Variants in CFAP43 observed in about 807,000 individuals in gnomAD.
The protein encoded by CFAP43 is cilia and flagella associated protein 43, also known as cilia- and flagella-associated protein 43.
A neutral mutation model predicts 218.9 loss-of-function variants in CFAP43; 155 were observed. The ratio of observed to expected loss-of-function variants is 0.71; its 90% CI spans 0.62 to 0.81. The LOEUF (loss-of-function observed/expected upper bound fraction) is 0.81. Among genes scored for constraint, CFAP43 ranks in the 30% least tolerant of loss-of-function variants. The pLI is 0.00. For missense variants in CFAP43, 1,778 were observed against 1,954.3 expected (o/e 0.91, Z 1.70); for synonymous variants, 645 against 681.3 (o/e 0.95, Z 0.83).
rs566833770 is a variant in CFAP43, at chr10:104,161,135, T to C, written c.3442A>G (p.Lys1148Glu). ...MVIPQPAFMAKPDAVWTEEER... is the reference protein window; with the variant it reads ...MVIPQPAFMAEPDAVWTEEER... ...TCTTCAGTCCACACAGCATCAGGTT[T>C]TGCCATGAAAGCAGGTTGAGGAATC... is the stretch of plus-strand genomic sequence containing the variant. The change falls in exon 27 of 38, where the codon AAA (lysine) becomes GAA (glutamate). Residue 1148 changes from lysine (K) to glutamate (E), a missense_variant. Transcript: ENST00000357060. 13 of 1,613,846 alleles carry C rather than the reference T, an allele frequency of 8.1e-6. No homozygotes were observed. In the African/African-American group the frequency reaches 1.5e-4, roughly 18 times the overall value.
At position 104,225,563 on chromosome 10, in the gene CFAP43, A is replaced by T; in HGVS notation, c.320-6T>A. 6.2e-7 allele frequency: 1 copy of T among 1,605,672 alleles called. No individual in the cohort carries two copies. Among genetic ancestry groups the T allele is most frequent in the Non-Finnish European group, 8.5e-7 (1 of 1,175,174 alleles). ...GTAGTCCAGGAGAATGTTGCCTAAA[A>T]TATAAAATCCATTATCAGGATTTGA... On this transcript the variant is annotated splice_region_variant and splice_polypyrimidine_tract_variant and intron_variant, in intron 2 of 37. Transcript: ENST00000357060.
intron 10 of CFAP43, 59 bp downstream of exon 10, chr10:104,196,794 A>G: frequency 7.1e-7 from 1 of 1,402,116 alleles, no homozygotes; most frequent in South Asian, 1.3e-5. Context: ...TGAATATGAA[A>G]AAGTAGATTG....
At chr10:104,184,232 A>G (rs1172888367) in intron 16 of CFAP43, among the ~76,000 whole-genome samples, 3 of 152,176 alleles carry the variant, frequency 2.0e-5, no homozygotes, top group Non-Finnish European at 4.4e-5. Flanking sequence ...CTTGGAAGCA[A>G]GGATGATAAT....
chr10:104,214,445 T>G lies in CFAP43; in HGVS notation c.417-19A>C. ...CCAGTTCCTTAGAGAAAAATAGCATTTGATGAAAAAAAGTTCATTTGAATT... is the reference window on the plus strand; with the variant it reads ...CCAGTTCCTTAGAGAAAAATAGCATGTGATGAAAAAAAGTTCATTTGAATT... On this transcript the variant is annotated intron_variant, in intron 3 of 37. Coordinates refer to ENST00000357060, the MANE Select transcript of CFAP43 (RefSeq NM_025145.7). The G allele has an allele frequency of 6.5e-7, 1 of 1,535,516 alleles. No individual in the cohort carries two copies. Among genetic ancestry groups the G allele is most frequent in the East Asian group, 2.3e-5 (1 of 42,940 alleles).
chr10:104,141,785 G>A (rs184712266), intron 33 of CFAP43, among the ~76,000 whole-genome samples: 1 of 152,082 alleles, frequency 6.6e-6, no homozygotes, highest in African/African-American at 2.4e-5. Context: ...CAATGAATTT[G>A]GGAACATCAG....
intron 5 of CFAP43, among the ~76,000 whole-genome samples, chr10:104,210,783 CTTTTTTTTTTT>C (rs68153454): frequency 8.0e-5 from 6 of 75,450 alleles, no homozygotes; most frequent in South Asian, 1.2e-3. Flanking sequence ...GTGAAACACT[CTTTTTTTTTTT>C]TTTTTTTTTT....
chr10:104,217,621 A>C (rs2091051776), intron 3 of CFAP43, among the ~76,000 whole-genome samples: 1 of 152,122 alleles, frequency 6.6e-6, no homozygotes, highest in Non-Finnish European at 1.5e-5. Flanking sequence ...TGCGAATGAA[A>C]ACACACTTTG....
intron 27 of CFAP43, among the ~76,000 whole-genome samples, chr10:104,160,500 T>G (rs1377556689): frequency 6.6e-6 from 1 of 152,254 alleles, no homozygotes; most frequent in East Asian, 1.9e-4. Context: ...ATATCTCTAC[T>G]GTAATTGTGA....
At position 104,212,098 on chromosome 10, in the gene CFAP43, G is replaced by T. The variant is rs751757986; in HGVS notation, c.644C>A (p.Pro215His). 1.2e-6 allele frequency: 2 copies of T among 1,613,704 alleles called. No homozygotes were observed. Among genetic ancestry groups the T allele is most frequent in the South Asian group, 2.2e-5 (2 of 91,010 alleles). The change falls in exon 5 of 38, where the codon CCC becomes CAC. Residue 215 changes from proline (P) to histidine (H), a missense_variant. By Grantham distance (77) the Pro-to-His change is moderately conservative (BLOSUM62 -2). Coordinates refer to ENST00000357060, the MANE Select transcript of CFAP43 (RefSeq NM_025145.7). ...SFFNETDVVFPQSLPKDLIYG... is the reference protein window; with the variant it reads ...SFFNETDVVFHQSLPKDLIYG... ...GATGAGATCTTTCGGCAACGACTGG[G>T]GGAAAACGACATCCGTTTCATTAAA... is the stretch of plus-strand genomic sequence containing the variant.
intron 34 of CFAP43, among the ~76,000 whole-genome samples, chr10:104,140,054 T>C (rs1279400955): frequency 1.3e-5 from 2 of 151,970 alleles, no homozygotes; most frequent in Admixed American, 1.3e-4. Context: ...AATTAGAAAA[T>C]ATGTAAAAGA....
rs368496660 is a variant in CFAP43 at position 104,182,348 on chromosome 10, G to T, written c.2289+18C>A. 2.3e-5 allele frequency: 36 copies of T among 1,547,310 alleles called. No homozygotes were observed. The highest frequency in any genetic ancestry group is 3.0e-5 in the Non-Finnish European group (35 of 1,153,374). ...GAAAGAAATGTAAGCAAGCAAGCTAGTCATATAGGAACTCAACTGTGTGTT... is the reference window on the plus strand; with the variant it reads ...GAAAGAAATGTAAGCAAGCAAGCTATTCATATAGGAACTCAACTGTGTGTT... On this transcript the variant is annotated intron_variant, in intron 17 of 37. Transcript: ENST00000357060.
intron 4 of CFAP43, among the ~76,000 whole-genome samples, 190 bp from the exon 5 acceptor site, chr10:104,212,347 T>G (rs1224537626): frequency 6.6e-6 from 1 of 152,210 alleles, no homozygotes; most frequent in Non-Finnish European, 1.5e-5. Context: ...CAGTTTTAAA[T>G]TAAGTACTGA....
chr10:104,156,627 C>T lies in CFAP43; in HGVS notation c.3541-3901G>A, dbSNP rs192930713. On this transcript the variant is annotated intron_variant, in intron 27 of 37. Coordinates refer to ENST00000357060, the MANE Select transcript of CFAP43 (RefSeq NM_025145.7). ...GATTGAGTGGGAAAGAATCTTTAAA[C>T]GATCAGCAAACTGCCAGCCCACAGA... 5.9e-5 allele frequency among the ~76,000 whole-genome samples: 9 copies of T among 152,268 alleles called. No individual in the cohort carries two copies. In the South Asian group the frequency reaches 6.2e-4, roughly 11 times the overall value.
chr10:104,160,051 G>T (rs2088792550), intron 27 of CFAP43, among the ~76,000 whole-genome samples: 2 of 152,132 alleles, frequency 1.3e-5, no homozygotes, highest in Non-Finnish European at 2.9e-5. Context: ...CACTTCATGG[G>T]TGCAGGTGCA....
At chr10:104,179,197 A>C in intron 18 of CFAP43, 91 bp from the exon 19 acceptor site, 1 of 1,139,712 alleles carries the variant, frequency 8.8e-7, no homozygotes, top group Non-Finnish European at 1.3e-6. Context: ...CTCTAGAAAC[A>C]GAAACTAAAA....
chr10:104,165,879 GTTTTC>G (rs2089127223), intron 23 of CFAP43, among the ~76,000 whole-genome samples: 1 of 152,158 alleles, frequency 6.6e-6, no homozygotes, highest in Admixed American at 6.5e-5. Flanking sequence ...GAATTCTAGT[GTTTTC>G]TTTTCTCTTT....
chr10:104,131,022 GAAAA>G (rs1451164483), intron 37 of CFAP43, among the ~76,000 whole-genome samples: 3 of 110,694 alleles, frequency 2.7e-5, no homozygotes, highest in South Asian at 3.1e-4. Flanking sequence ...AAAAAAAAAA[GAAAA>G]GAAACACTGG....
chr10:104,195,781 T>C (rs75373295), intron 10 of CFAP43, among the ~76,000 whole-genome samples: 207 of 152,346 alleles, frequency 1.4e-3, no homozygotes, highest in African/African-American at 4.9e-3. Flanking sequence ...GAAATAATGG[T>C]ATCACATTGT....
chr10:104,130,153 G>A lies in CFAP43; in HGVS notation c.4984C>T (p.Leu1662Phe). 1 of 1,592,526 alleles carries A rather than the reference G, an allele frequency of 6.3e-7. No individual in the cohort carries two copies. The highest frequency in any genetic ancestry group is 1.2e-5 in the South Asian group (1 of 86,004). ...TGCCAGCGTTTTTACATTTGAACAA[G>A]AGCAGGAAATGTTTTCATTCTTAAT... ...ERLRMKTFPA[L>F]VQM Residue 1662 changes from leucine (L) to phenylalanine (F), a missense_variant, in exon 38 of 38, where the codon CTT becomes TTT. By Grantham distance (22) the Leu-to-Phe change is conservative. Around this residue, in one of 3 missense-constraint regions of CFAP43, gnomAD observed 211 missense variants for 230.6 expected, o/e 0.91. Transcript: ENST00000357060.
Sources: allele counts gnomAD v4.1 joint callset (sites outside exome capture counted in the v4.1 genomes callset), GRCh38; gene constraint gnomAD v4.1.1; regional missense constraint gnomAD v4.1.1; transcripts MANE v1.5; gene names NCBI Gene and HGNC (gene_info 2026-07-23, HGNC 2026-07-21).